MCTP1: variants seen among roughly 807,000 people sequenced by gnomAD.
The protein encoded by MCTP1 is multiple C2 and transmembrane domain containing 1, also known as multiple C2 and transmembrane domain-containing protein 1.
A neutral mutation model predicts 120.6 loss-of-function variants in MCTP1; 69 were observed. The observed-to-expected ratio is 0.57, with a 90% confidence interval of 0.47 to 0.70. The LOEUF is 0.70. Among genes scored for constraint, MCTP1 ranks in the 30% least tolerant of loss-of-function variants. The pLI is 0.00. For missense variants in MCTP1, 1,203 were observed against 1,248.8 expected, an observed-to-expected ratio of 0.96 and a Z score of 0.55; for synonymous variants, 529 against 493.1, an observed-to-expected ratio of 1.07 and a Z score of -0.96.
Position 95,121,004 on chromosome 5 carries a change from C to T in MCTP1, c.721-103520G>A, listed in dbSNP as rs78996728. The stretch of plus-strand genomic sequence containing the variant: ...GGTAAAGTTGCAGGACATGGCCAGG[C>T]GCGGTGGCTCATGCCTGTAATCCTA... On this transcript the variant is annotated intron_variant, in intron 1 of 22. Coordinates refer to ENST00000515393, the MANE Select transcript of MCTP1 (RefSeq NM_024717.7). 7.2e-3 allele frequency among the ~76,000 whole-genome samples: 1,092 copies of T among 152,092 alleles called. 16 individuals are homozygous for T. Among genetic ancestry groups the T allele is most frequent in the African/African-American group, 0.024 (987 of 41,470 alleles).
At chr5:94,963,914 CTA>C in intron 2 of MCTP1, among the ~76,000 whole-genome samples, 1 of 152,292 alleles carries the variant, frequency 6.6e-6, no homozygotes, top group East Asian at 1.9e-4. Context: ...AGCATTTTCT[CTA>C]TCTTTCCTTC....
intron 1 of MCTP1, among the ~76,000 whole-genome samples, chr5:95,087,994 GA>G (rs1339122047): frequency 1.3e-5 from 2 of 152,188 alleles, no homozygotes; most frequent in Non-Finnish European, 2.9e-5. Context: ...CTGCCTACAG[GA>G]GCAAAATGCG....
At chr5:94,978,223 G>A (rs1561959179) in intron 2 of MCTP1, among the ~76,000 whole-genome samples, 1 of 152,056 alleles carries the variant, frequency 6.6e-6, no homozygotes, top group Non-Finnish European at 1.5e-5. Flanking sequence ...AGGATGTGAA[G>A]AAATCTGAAC....
At chr5:95,030,251 A>T (rs954979595) in intron 1 of MCTP1, among the ~76,000 whole-genome samples, 4 of 152,096 alleles carry the variant, frequency 2.6e-5, no homozygotes, top group African/African-American at 9.7e-5. Context: ...TTCCCCCAAG[A>T]CTTCAGTGTA....
chr5:95,109,096 C>T (rs1455909148), intron 1 of MCTP1, among the ~76,000 whole-genome samples: 1 of 152,126 alleles, frequency 6.6e-6, no homozygotes, highest in East Asian at 1.9e-4. Context: ...ACTAATCATG[C>T]AGTTAGGCTG....
At chr5:95,007,686 T>C (rs1320169771) in intron 2 of MCTP1, among the ~76,000 whole-genome samples, 1 of 152,228 alleles carries the variant, frequency 6.6e-6, no homozygotes, top group African/African-American at 2.4e-5. Context: ...GGCTGCCTTA[T>C]ATCTGGTAGA....
At chr5:95,229,239 G>A (rs1169150045) in intron 1 of MCTP1, among the ~76,000 whole-genome samples, 1 of 152,136 alleles carries the variant, frequency 6.6e-6, no homozygotes, top group Non-Finnish European at 1.5e-5. Context: ...TATCCAAAAG[G>A]CAATGTGGAG....
At chr5:95,020,833 T>C (rs1838066403) in intron 1 of MCTP1, among the ~76,000 whole-genome samples, 1 of 152,054 alleles carries the variant, frequency 6.6e-6, no homozygotes. Context: ...CACTGCCCAT[T>C]AAATAAGCCC....
intron 1 of MCTP1, among the ~76,000 whole-genome samples, chr5:95,223,989 A>C (rs903177660): frequency 1.3e-5 from 2 of 152,260 alleles, no homozygotes; most frequent in East Asian, 3.8e-4. Context: ...AGGCTATTTG[A>C]AAAACATTTC....
At chr5:95,244,564 G>A (rs886359555) in intron 1 of MCTP1, among the ~76,000 whole-genome samples, 2 of 152,230 alleles carry the variant, frequency 1.3e-5, no homozygotes, top group Admixed American at 6.5e-5. Context: ...TGCCCACAGA[G>A]CTTTGCTCAC....
intron 1 of MCTP1, chr5:95,068,825 A>G (rs938107548): frequency 1.8e-5 from 23 of 1,271,060 alleles, no homozygotes; most frequent in Non-Finnish European, 2.3e-5. Flanking sequence ...CTTACCATAC[A>G]GGGTCTGCCA....
intron 1 of MCTP1, among the ~76,000 whole-genome samples, chr5:95,160,346 G>A (rs566638378): frequency 5.9e-5 from 9 of 152,266 alleles, no homozygotes; most frequent in African/African-American, 2.2e-4. Flanking sequence ...ATTACAAATG[G>A]AGAAGGAGTA....
chr5:95,080,731 A>G (rs564111271), intron 1 of MCTP1, among the ~76,000 whole-genome samples: 1 of 152,326 alleles, frequency 6.6e-6, no homozygotes, highest in South Asian at 2.1e-4. Context: ...AAGCTTAAAG[A>G]ATTTGAAAAA....
intron 2 of MCTP1, among the ~76,000 whole-genome samples, chr5:94,995,266 C>G (rs906269683): frequency 6.6e-6 from 1 of 152,150 alleles, no homozygotes; most frequent in Admixed American, 6.6e-5. Context: ...AACACAGATT[C>G]GTGGGTCTCA....
At chr5:95,081,617 T>A in intron 1 of MCTP1, 1 of 1,391,306 alleles carries the variant, frequency 7.2e-7, no homozygotes, top group Non-Finnish European at 9.3e-7. Context: ...ACGGAGCACT[T>A]GCTGCTCTGC....
intron 19 of MCTP1, among the ~76,000 whole-genome samples, chr5:94,729,918 T>A (rs1762820204): frequency 6.6e-6 from 1 of 152,198 alleles, no homozygotes; most frequent in African/African-American, 2.4e-5. Context: ...TTACTAGCTC[T>A]TACACAGAAT....
intron 17 of MCTP1, among the ~76,000 whole-genome samples, chr5:94,820,797 C>CT (rs1785459199): frequency 1.3e-5 from 2 of 152,126 alleles, no homozygotes; most frequent in South Asian, 4.1e-4. Flanking sequence ...ACATACATTC[C>CT]TTTTTAGATC....
intron 1 of MCTP1, among the ~76,000 whole-genome samples, chr5:95,065,458 G>A (rs879915572): frequency 5.9e-5 from 9 of 151,984 alleles, no homozygotes; most frequent in South Asian, 2.1e-4. Flanking sequence ...ATGGGTTACC[G>A]TTAGAAAATC....
intron 5 of MCTP1, among the ~76,000 whole-genome samples, chr5:94,938,126 G>T (rs1314328882): frequency 1.3e-5 from 2 of 151,938 alleles, no homozygotes; most frequent in African/African-American, 4.8e-5. Flanking sequence ...TGGTCTCCAG[G>T]TATCCATTCT....
Sources: gnomAD v4.1 joint callset for allele counts (sites outside exome capture counted in the v4.1 genomes callset) on GRCh38, gnomAD v4.1.1 for gene constraint, MANE v1.5 for transcripts, NCBI Gene and HGNC (gene_info 2026-07-23, HGNC 2026-07-21) for gene names.